Variants in CASR observed in about 807,000 individuals in gnomAD.
CASR encodes calcium sensing receptor, also known as extracellular calcium-sensing receptor.
A neutral mutation model predicts 69.1 loss-of-function variants in CASR; 23 were observed. The observed-to-expected ratio is 0.33, with a 90% CI of 0.24 to 0.47. The LOEUF (loss-of-function observed/expected upper bound fraction) is 0.47, where lower values mean the gene tolerates loss of function less well. Among genes scored for constraint, CASR ranks in the 20% least tolerant of loss-of-function variants. CASR has a pLI of 1.00. For synonymous variants in CASR, 541 were observed against 544.7 expected (o/e 0.99, Z 0.10); for missense variants, 924 against 1,356.1 (o/e 0.68, Z 5.00).
rs2074562857 is a variant in CASR at position 122,257,137 on chromosome 3, T to C, written c.242T>C (p.Ile81Thr). Reference sequence around the variant, plus strand: ...GCTATGATATTTGCCATAGAGGAGATAAACAGCAGCCCAGCCCTTCTTCCC... The same window carrying C: ...GCTATGATATTTGCCATAGAGGAGACAAACAGCAGCCCAGCCCTTCTTCCC... ...LQAMIFAIEEINSSPALLPNL... is the reference protein window; with the variant it reads ...LQAMIFAIEETNSSPALLPNL... Residue 81 changes from isoleucine (I) to threonine (T), a missense_variant, in exon 3 of 7, where the codon ATA (isoleucine) becomes ACA (threonine). Ile to Thr is a moderately conservative substitution (Grantham distance 89). Coordinates refer to ENST00000639785, the MANE Select transcript of CASR (RefSeq NM_000388.4). The C allele has an allele frequency of 6.2e-7, 1 of 1,614,060 alleles. No homozygotes were observed. The highest frequency in any genetic ancestry group is 8.5e-7 in the Non-Finnish European group (1 of 1,180,016).
At chr3:122,279,731 T>C (rs551482753) in intron 5 of CASR, among the ~76,000 whole-genome samples, 9 of 152,192 alleles carry the variant, frequency 5.9e-5, no homozygotes, top group Non-Finnish European at 1.3e-4. Flanking sequence ...AAAATTTCAT[T>C]AATCTAGGAA....
At chr3:122,256,292 A>G (rs1216748588) in intron 2 of CASR, among the ~76,000 whole-genome samples, 4 of 152,170 alleles carry the variant, frequency 2.6e-5, no homozygotes, top group African/African-American at 9.7e-5. Flanking sequence ...TGACTCTGCA[A>G]ATCTGATCTG....
intron 1 of CASR, among the ~76,000 whole-genome samples, chr3:122,225,278 C>A (rs937018163): frequency 1.3e-5 from 2 of 151,676 alleles, no homozygotes; most frequent in Non-Finnish European, 2.9e-5. Context: ...ACAGAGTAAA[C>A]AGACAACCTA....
intron 5 of CASR, among the ~76,000 whole-genome samples, chr3:122,278,052 C>T (rs1383289908): frequency 6.6e-6 from 1 of 152,078 alleles, no homozygotes. Context: ...GTGGAAATGA[C>T]CACAAAAATA....
intron 2 of CASR, among the ~76,000 whole-genome samples, chr3:122,255,160 AC>A (rs2074541639): frequency 6.6e-6 from 1 of 151,990 alleles, no homozygotes; most frequent in Non-Finnish European, 1.5e-5. Context: ...CCCCTAATTT[AC>A]TGCGACCCTT....
At chr3:122,217,487 T>A (rs1445595217) in intron 1 of CASR, among the ~76,000 whole-genome samples, 1 of 152,186 alleles carries the variant, frequency 6.6e-6, no homozygotes, top group African/African-American at 2.4e-5. Flanking sequence ...ATTCAGGATG[T>A]TTCCCTAAAG....
At chr3:122,228,493 C>T (rs2074248171) in intron 1 of CASR, among the ~76,000 whole-genome samples, 1 of 152,112 alleles carries the variant, frequency 6.6e-6, no homozygotes, top group South Asian at 2.1e-4. Flanking sequence ...TAGTATTAAC[C>T]AGGTGCAGAC....
chr3:122,248,585 C>G (rs1339572168), intron 1 of CASR, among the ~76,000 whole-genome samples: 1 of 150,822 alleles, frequency 6.6e-6, no homozygotes, highest in Non-Finnish European at 1.5e-5. Context: ...TCTTATAATT[C>G]TCTTTTTTCT....
chr3:122,246,865 A>G (rs1031950313), intron 1 of CASR: 1 of 152,220 alleles, frequency 6.6e-6, no homozygotes, highest in Non-Finnish European at 1.5e-5. Flanking sequence ...ACAACTTTCT[A>G]TGTACAATAG....
At chr3:122,189,166 G>A (rs2073817105) in intron 1 of CASR, among the ~76,000 whole-genome samples, 1 of 152,242 alleles carries the variant, frequency 6.6e-6, no homozygotes, top group Non-Finnish European at 1.5e-5. Flanking sequence ...GCCGTGGACA[G>A]TCTAGTTTGG....
intron 1 of CASR, among the ~76,000 whole-genome samples, chr3:122,226,823 A>G (rs1217329116): frequency 6.6e-6 from 1 of 152,132 alleles, no homozygotes. Flanking sequence ...AACTAGATAC[A>G]GAGTGCCTAT....
At chr3:122,272,234 A>G (rs941780611) in intron 4 of CASR, among the ~76,000 whole-genome samples, 4 of 152,160 alleles carry the variant, frequency 2.6e-5, no homozygotes, top group African/African-American at 4.8e-5. Flanking sequence ...CCAGCAGTCT[A>G]TGGAGGACCC....
chr3:122,286,841 C>G lies in CASR; in HGVS notation c.*1650C>G, dbSNP rs1576880396. On this transcript the variant is annotated 3_prime_UTR_variant, in exon 7 of 7. Transcript: ENST00000639785. ...TCCTGAAGCCTCAAATTTTACAGCTCTTGGTGACTTCTTCCCCTGACCACT... is the reference window on the plus strand; with the variant it reads ...TCCTGAAGCCTCAAATTTTACAGCTGTTGGTGACTTCTTCCCCTGACCACT... The G allele has an allele frequency of 6.6e-6, 1 of 152,256 alleles. No individual in the cohort carries two copies. The highest frequency in any genetic ancestry group is 2.4e-5 in the African/African-American group (1 of 41,472). 9.4% of individuals were successfully genotyped at this position (152,256 alleles called of 1,614,324 possible). A position where few individuals can be genotyped will look rare whatever the true frequency, so the allele number is the denominator to read the frequency against.
At chr3:122,276,459 A>G (rs1470709615) in intron 5 of CASR, among the ~76,000 whole-genome samples, 1 of 152,208 alleles carries the variant, frequency 6.6e-6, no homozygotes, top group Admixed American at 6.5e-5. Context: ...CACAATGACC[A>G]GGAAGTATTA....
chr3:122,194,802 C>G (rs1395835051), intron 1 of CASR, among the ~76,000 whole-genome samples: 1 of 152,112 alleles, frequency 6.6e-6, no homozygotes, highest in Non-Finnish European at 1.5e-5. Flanking sequence ...ACGTTATCAC[C>G]CAAGTATATG....
intron 1 of CASR, among the ~76,000 whole-genome samples, chr3:122,205,634 T>C (rs896682582): frequency 6.6e-6 from 1 of 152,132 alleles, no homozygotes; most frequent in African/African-American, 2.4e-5. Context: ...GGGATTGCAT[T>C]GAATCTGTAA....
intron 1 of CASR, among the ~76,000 whole-genome samples, chr3:122,227,248 C>T (rs1292574879): frequency 6.6e-6 from 1 of 152,148 alleles, no homozygotes; most frequent in Non-Finnish European, 1.5e-5. Context: ...CGGGACTGGG[C>T]TCCATGGAGC....
At chr3:122,276,643 T>G (rs926130973) in intron 5 of CASR, among the ~76,000 whole-genome samples, 2 of 152,204 alleles carry the variant, frequency 1.3e-5, no homozygotes, top group African/African-American at 4.8e-5. Flanking sequence ...GTCACCACCC[T>G]CACAGCCTGG....
chr3:122,196,731 G>T (rs546443852), intron 1 of CASR, among the ~76,000 whole-genome samples: 1 of 152,182 alleles, frequency 6.6e-6, no homozygotes, highest in South Asian at 2.1e-4. Context: ...TAGAGATGGG[G>T]TTTCACCATG....
Sources: allele counts gnomAD v4.1 joint callset (sites outside exome capture counted in the v4.1 genomes callset), GRCh38; gene constraint gnomAD v4.1.1; transcripts MANE v1.5; gene names NCBI Gene and HGNC (gene_info 2026-07-23, HGNC 2026-07-21).